Variants in SH3BP5 observed in about 807,000 individuals in gnomAD.
The protein encoded by SH3BP5 is SH3 domain binding protein 5.
Under a neutral mutation model 43.3 loss-of-function variants are expected in SH3BP5, and 22 were observed. The ratio of observed to expected loss-of-function variants is 0.51; its 90% CI spans 0.36 to 0.73. The LOEUF is 0.73. SH3BP5 is among the 30% of genes least tolerant of loss of function. SH3BP5 has a pLI of 0.00. For synonymous variants in SH3BP5, 255 were observed against 225.8 expected (o/e 1.13, Z -1.16); for missense variants, 529 against 586.9 (o/e 0.90, Z 1.02).
At chr3:15,307,765 C>A (rs1697949658) in intron 2 of SH3BP5, among the ~76,000 whole-genome samples, 1 of 152,270 alleles carries the variant, frequency 6.6e-6, no homozygotes, top group South Asian at 2.1e-4. Flanking sequence ...GCATGCATGA[C>A]CGCATCCTCA....
intron 3 of SH3BP5, among the ~76,000 whole-genome samples, chr3:15,293,144 C>T (rs1697460719): frequency 6.6e-6 from 1 of 152,236 alleles, no homozygotes; most frequent in South Asian, 2.1e-4. Context: ...AGTTAAGAGT[C>T]CATGCTCAGT....
chr3:15,330,412 A>G (rs1575358160), intron 2 of SH3BP5, 92 bp downstream of exon 2: 1 of 1,048,324 alleles, frequency 9.5e-7, no homozygotes. Flanking sequence ...GGGTCCAGCA[A>G]TAACACTCCA....
intron 3 of SH3BP5, among the ~76,000 whole-genome samples, chr3:15,274,792 T>A (rs1183722844): frequency 2.6e-5 from 4 of 152,320 alleles, no homozygotes; most frequent in African/African-American, 7.2e-5. Flanking sequence ...ATGATCTACC[T>A]GCCTCGGCCT....
intron 3 of SH3BP5, among the ~76,000 whole-genome samples, chr3:15,283,707 C>A (rs1697190095): frequency 6.6e-6 from 1 of 152,096 alleles, no homozygotes; most frequent in Admixed American, 6.6e-5. Flanking sequence ...CAAAACATGC[C>A]CACTTATAAT....
At chr3:15,317,213 T>C (rs531399897) in intron 2 of SH3BP5, among the ~76,000 whole-genome samples, 2 of 152,334 alleles carry the variant, frequency 1.3e-5, no homozygotes, top group South Asian at 2.1e-4. Flanking sequence ...GTCCACTTTA[T>C]AATTAGCACA....
At chr3:15,320,640 A>ACACACC (rs373879792) in intron 2 of SH3BP5, among the ~76,000 whole-genome samples, 27 of 149,560 alleles carry the variant, frequency 1.8e-4, no homozygotes, top group African/African-American at 5.7e-4. Context: ...ACACACACAC[A>ACACACC]CCCCACTACG....
intron 1 of SH3BP5, 98 bp downstream of exon 1, chr3:15,332,171 CCA>C (rs1312405030): frequency 2.6e-6 from 4 of 1,518,776 alleles, no homozygotes; most frequent in Non-Finnish European, 2.6e-6. Flanking sequence ...AGTCCCCGGA[CCA>C]CAGTTACTGG....
At position 15,257,128 on chromosome 3, in the gene SH3BP5, AAC is replaced by A; in HGVS notation, c.890-17_890-16del. 1 of 1,610,138 alleles carries A rather than the reference AAC, an allele frequency of 6.2e-7. No homozygotes were observed. Among genetic ancestry groups the A allele is most frequent in the Non-Finnish European group, 8.5e-7 (1 of 1,177,148 alleles). ...CTCCGAGGCCACTAAGTTGAGAGAG[AAC>A]ACCAGTCACATGGGTTCTGTCACCT... is the stretch of plus-strand genomic sequence containing the variant. On this transcript the variant is annotated splice_polypyrimidine_tract_variant and intron_variant, in intron 7 of 8. Coordinates refer to ENST00000383791, the MANE Select transcript of SH3BP5 (RefSeq NM_004844.5).
At chr3:15,291,129 C>G (rs1397288407) in intron 3 of SH3BP5, among the ~76,000 whole-genome samples, 2 of 152,214 alleles carry the variant, frequency 1.3e-5, no homozygotes, top group Non-Finnish European at 2.9e-5. Flanking sequence ...CTTAGAAACT[C>G]AATTTCGTCC....
chr3:15,322,147 G>A lies in SH3BP5; in HGVS notation c.201+8357C>T, dbSNP rs574880639. Among the ~76,000 whole-genome samples, 33 of 152,058 alleles carry A rather than the reference G, an allele frequency of 2.2e-4. 1 individual carries two copies. Among genetic ancestry groups the A allele is most frequent in the Admixed American group, 1.8e-3 (28 of 15,266 alleles). On this transcript the variant is annotated intron_variant, in intron 2 of 8. Transcript: ENST00000383791. Reference sequence around the variant, plus strand: ...GAACCTGGGAGGTGGAGGTTGCAATGAGCCAAGATCATGCCACTGCAGTCC... The same window carrying A: ...GAACCTGGGAGGTGGAGGTTGCAATAAGCCAAGATCATGCCACTGCAGTCC...
intron 2 of SH3BP5, among the ~76,000 whole-genome samples, chr3:15,321,994 C>T (rs1312828265): frequency 6.6e-6 from 1 of 152,048 alleles, no homozygotes; most frequent in Non-Finnish European, 1.5e-5. Context: ...CATTTGAGGT[C>T]GGGAGTTCGA....
intron 3 of SH3BP5, among the ~76,000 whole-genome samples, chr3:15,286,641 C>T (rs1183316001): frequency 6.6e-6 from 1 of 152,218 alleles, no homozygotes; most frequent in East Asian, 1.9e-4. Context: ...GCAGCCTCAA[C>T]CTCCTGGGCT....
chr3:15,268,178 A>G lies in SH3BP5; in HGVS notation c.495+1535T>C, dbSNP rs1189323007. ...AGCTCAGCCGAGAGTCTCAGGCTGC[A>G]GGGAGAGGTGCGTAAAGTCAACGCG... is the stretch of plus-strand genomic sequence containing the variant. On this transcript the variant is annotated intron_variant, in intron 4 of 8. Transcript: ENST00000383791. 2.0e-5 allele frequency among the ~76,000 whole-genome samples: 3 copies of G among 152,232 alleles called. No homozygotes were observed. In the East Asian group the frequency reaches 5.8e-4, roughly 29 times the overall value.
chr3:15,339,379 G>A (rs1341901477), intron 1 of SH3BP5, among the ~76,000 whole-genome samples: 1 of 152,122 alleles, frequency 6.6e-6, no homozygotes, highest in African/African-American at 2.4e-5. Flanking sequence ...CAGATATTTA[G>A]GATGGTGCTG....
At chr3:15,266,210 G>A (rs552844826) in intron 4 of SH3BP5, among the ~76,000 whole-genome samples, 123 of 152,154 alleles carry the variant, frequency 8.1e-4, no homozygotes, top group Non-Finnish European at 1.6e-3. Flanking sequence ...TTCTTACTGC[G>A]TCCTTGGGCA....
At chr3:15,280,070 G>A (rs1490424717) in intron 3 of SH3BP5, among the ~76,000 whole-genome samples, 1 of 152,036 alleles carries the variant, frequency 6.6e-6, no homozygotes, top group Admixed American at 6.6e-5. Flanking sequence ...CTAGTTAGCC[G>A]ACTGATGTCT....
chr3:15,303,783 A>G (rs774976559), intron 3 of SH3BP5, among the ~76,000 whole-genome samples: 8 of 152,122 alleles, frequency 5.3e-5, no homozygotes, highest in African/African-American at 1.2e-4. Flanking sequence ...GCGAGGCAGT[A>G]AGCGAATCTT....
At chr3:15,294,394 CAA>C (rs1251517605) in intron 3 of SH3BP5, among the ~76,000 whole-genome samples, 1 of 151,644 alleles carries the variant, frequency 6.6e-6, no homozygotes, top group Non-Finnish European at 1.5e-5. Flanking sequence ...GCCTGGTATA[CAA>C]AGAGTGTTGA....
Position 15,258,835 on chromosome 3 carries a change from A to T in SH3BP5, c.885T>A (p.Ile295=). ...LPGSKPEPDA[I]SVASEAFEDD... ...CCAGTGGAGCCCCTGACTTACCAGA[A>T]ATGGCATCAGGCTCAGGTTTGCTCC... is the stretch of plus-strand genomic sequence containing the variant. The change falls in exon 7 of 9, where the codon ATT becomes ATA. Residue 295 remains isoleucine (I), a synonymous_variant. Transcript: ENST00000383791. 1.2e-6 allele frequency: 2 copies of T among 1,613,256 alleles called. No homozygotes were observed. The highest frequency in any genetic ancestry group is 1.7e-6 in the Non-Finnish European group (2 of 1,179,480).
Sources: gnomAD v4.1 joint callset for allele counts (sites outside exome capture counted in the v4.1 genomes callset) on GRCh38, gnomAD v4.1.1 for gene constraint, MANE v1.5 for transcripts, NCBI Gene and HGNC (gene_info 2026-07-23, HGNC 2026-07-21) for gene names.